The following TRIM24 variants were observed in gnomAD, a reference collection of about 807,000 sequenced individuals.
TRIM24 encodes the protein tripartite motif containing 24, also known as transcription intermediary factor 1-alpha.
A neutral mutation model predicts 123.9 loss-of-function variants in TRIM24; 29 were observed. The observed-to-expected ratio is 0.23, with a 90% CI of 0.17 to 0.32. The LOEUF is 0.32. TRIM24 is among the 10% of genes least tolerant of loss of function. TRIM24 has a pLI of 1.00. For synonymous variants in TRIM24, 456 were observed against 461.1 expected, an observed-to-expected ratio of 0.99 and a Z score of 0.14; for missense variants, 932 against 1,295.3, an observed-to-expected ratio of 0.72 and a Z score of 4.31.
At chr7:138,568,683 G>A (rs957845434) in intron 10 of TRIM24, among the ~76,000 whole-genome samples, 10 of 151,876 alleles carry the variant, frequency 6.6e-5, no homozygotes, top group African/African-American at 1.2e-4. Flanking sequence ...CACCATACCC[G>A]GCTGTATTAT....
At chr7:138,583,254 G>T (rs546553529) in intron 17 of TRIM24, among the ~76,000 whole-genome samples, 1 of 152,242 alleles carries the variant, frequency 6.6e-6, no homozygotes, top group East Asian at 1.9e-4. Flanking sequence ...CCTAGTAATT[G>T]CTTTTTGTTT....
At chr7:138,463,708 TAC>T (rs1255969972) in intron 1 of TRIM24, among the ~76,000 whole-genome samples, 1 of 152,216 alleles carries the variant, frequency 6.6e-6, no homozygotes, top group Admixed American at 6.5e-5. Flanking sequence ...TGTGATTCCA[TAC>T]TTCTCAAAAT....
rs763047514 is a variant in TRIM24 at position 138,579,397 on chromosome 7, A to G, written c.2450A>G (p.Glu817Gly). 1.9e-6 allele frequency: 3 copies of G among 1,614,114 alleles called. No individual in the cohort carries two copies. The highest frequency in any genetic ancestry group is 1.7e-5 in the Admixed American group (1 of 60,012). The change falls in exon 15 of 19, where the codon GAG becomes GGG. Residue 817 changes from glutamate (E) to glycine (G), a missense_variant. Glu to Gly is a moderately conservative substitution (Grantham distance 98). Coordinates refer to ENST00000343526, the MANE Select transcript of TRIM24 (RefSeq NM_015905.3). The stretch of plus-strand genomic sequence containing the variant: ...CAGAAGTCACCTCTTCATGTTGGAG[A>G]GACAAGGAAAGAGGATGACCCCAAT... ...PSQKSPLHVG[E>G]TRKEDDPNED...
chr7:138,499,636 C>T (rs1249999169), intron 1 of TRIM24, among the ~76,000 whole-genome samples: 3 of 152,124 alleles, frequency 2.0e-5, no homozygotes, highest in Non-Finnish European at 2.9e-5. Context: ...GGAACAGAAA[C>T]GGAGGCTCTT....
chr7:138,584,938 A>C lies in TRIM24; in HGVS notation c.3140A>C (p.Gln1047Pro), dbSNP rs768966084. The C allele has an allele frequency of 1.2e-6, 2 of 1,608,902 alleles. No individual in the cohort carries two copies. The highest frequency in any genetic ancestry group is 3.4e-5 in the Admixed American group (2 of 59,036). ...CGCCTCAAAAGCATTGAAGAACGCCAGTTGCTTAAATAATATGCAGCACCA... is the reference window on the plus strand; with the variant it reads ...CGCCTCAAAAGCATTGAAGAACGCCCGTTGCTTAAATAATATGCAGCACCA... Reference protein sequence around the residue: ...KKRLKSIEERQLLK With the variant: ...KKRLKSIEERPLLK The change falls in exon 19 of 19, where the codon CAG (glutamine) becomes CCG (proline). Residue 1047 changes from glutamine to proline, a missense_variant. By Grantham distance (76) the Gln-to-Pro change is moderately conservative (BLOSUM62 -1). Transcript: ENST00000343526.
intron 7 of TRIM24, among the ~76,000 whole-genome samples, chr7:138,550,679 C>T (rs547274382): frequency 3.3e-5 from 5 of 152,206 alleles, no homozygotes; most frequent in East Asian, 3.9e-4. Context: ...CCTAAACAGA[C>T]GAATTTGTAT....
Position 138,515,257 on chromosome 7 carries a change from G to T in TRIM24, c.529G>T (p.Val177Leu). 1 of 1,614,030 alleles carries T rather than the reference G, an allele frequency of 6.2e-7. No homozygotes were observed. Among genetic ancestry groups the T allele is most frequent in the South Asian group, 1.1e-5 (1 of 91,056 alleles). The change falls in exon 3 of 19, where the codon GTA becomes TTA. Residue 177 changes from valine to leucine, a missense_variant. Val to Leu is a conservative substitution (Grantham distance 32, BLOSUM62 1). Transcript: ENST00000343526. ...EDNAEANGFC[V>L]ECVEWLCKTC... ...CAACGCAGAAGCCAATGGGTTTTGT[G>T]TAGAGTGTGTTGAATGGCTCTGCAA... is the stretch of plus-strand genomic sequence containing the variant.
intron 2 of TRIM24, among the ~76,000 whole-genome samples, chr7:138,507,159 G>T (rs1796167485): frequency 6.6e-6 from 1 of 152,036 alleles, no homozygotes; most frequent in Non-Finnish European, 1.5e-5. Flanking sequence ...CATAGCTGGA[G>T]ATTTTGAAAA....
In TRIM24 at chr7:138,568,379, C is replaced by CTTTTTTTTTTTTTTT. The variant is rs60386130; in HGVS notation, c.1704+741_1704+755dup. Among the ~76,000 whole-genome samples, 200 of 68,698 alleles carry CTTTTTTTTTTTTTTT rather than the reference C, an allele frequency of 2.9e-3. 13 individuals are homozygous for CTTTTTTTTTTTTTTT. The highest frequency in any genetic ancestry group is 4.0e-3 in the Non-Finnish European group (160 of 39,854). The allele number at this position is 68,698 out of a possible 152,430, so 45.1% of individuals were successfully genotyped here. On this transcript the variant is annotated intron_variant, in intron 10 of 18. Coordinates refer to ENST00000343526, the MANE Select transcript of TRIM24 (RefSeq NM_015905.3). ...CTCGTAAGCCACCGTACCTGGCCTCCTTTTTTTTTTTTTTTTTTTTTTTTT... is the reference window on the plus strand; with the variant it reads ...CTCGTAAGCCACCGTACCTGGCCTCCTTTTTTTTTTTTTTTTTTTTTTTTTTTTTTTTTTTTTTTT...
Position 138,584,879 on chromosome 7 carries a change from T to C in TRIM24, c.3081T>C (p.Asp1027=). 3.1e-6 allele frequency: 5 copies of C among 1,613,846 alleles called. No individual in the cohort carries two copies. The highest frequency in any genetic ancestry group is 3.4e-6 in the Non-Finnish European group (4 of 1,179,868). ...NESEDNKFSD[D]SDDDFVQPRK... is the part of the protein sequence containing the mutation. ...CAGAAGATAATAAATTTAGTGATGA[T>C]TCAGATGATGACTTTGTACAGCCCC... The change falls in exon 19 of 19, where the codon GAT becomes GAC. Residue 1027 remains aspartate, a synonymous_variant. Coordinates refer to ENST00000343526, the MANE Select transcript of TRIM24 (RefSeq NM_015905.3).
At chr7:138,533,655 G>A (rs1174311869) in intron 6 of TRIM24, among the ~76,000 whole-genome samples, 8 of 152,174 alleles carry the variant, frequency 5.3e-5, no homozygotes, top group African/African-American at 1.9e-4. Context: ...ATGTTCATCA[G>A]GGATATTGGT....
chr7:138,578,303 A>C (rs1797809148), intron 14 of TRIM24, among the ~76,000 whole-genome samples: 1 of 152,200 alleles, frequency 6.6e-6, no homozygotes. Context: ...GTAAACAAAC[A>C]CCTGAGTACG....
intron 7 of TRIM24, among the ~76,000 whole-genome samples, chr7:138,548,477 C>G (rs927563011): frequency 2.0e-5 from 3 of 151,378 alleles, no homozygotes; most frequent in African/African-American, 7.3e-5. Flanking sequence ...ATGGAGCTTG[C>G]AGGACTGGAA....
At chr7:138,479,303 C>T (rs559681676) in intron 1 of TRIM24, among the ~76,000 whole-genome samples, 2 of 152,274 alleles carry the variant, frequency 1.3e-5, no homozygotes, top group South Asian at 4.1e-4. Context: ...CCAAAAGTTC[C>T]TTGTCTGCTA....
intron 17 of TRIM24, among the ~76,000 whole-genome samples, chr7:138,583,322 C>T (rs1045582841): frequency 1.3e-5 from 2 of 152,140 alleles, no homozygotes; most frequent in Non-Finnish European, 2.9e-5. Context: ...CAAGTTTTTT[C>T]ATTAAAAATA....
At chr7:138,556,135 T>C (rs1797311665) in intron 9 of TRIM24, 1 of 152,198 alleles carries the variant, frequency 6.6e-6, no homozygotes, top group Non-Finnish European at 1.5e-5. Flanking sequence ...ATTTCTATGA[T>C]ATAAAACCCT....
At chr7:138,539,799 ATCT>A (rs1160077536) in intron 7 of TRIM24, among the ~76,000 whole-genome samples, 37 of 136,328 alleles carry the variant, frequency 2.7e-4, no homozygotes, top group Admixed American at 2.4e-3. Context: ...CAATTAAGTA[ATCT>A]TTTTTTTTTT....
At chr7:138,460,975 T>A in intron 1 of TRIM24, 63 bp downstream of exon 1, 1 of 1,329,784 alleles carries the variant, frequency 7.5e-7, no homozygotes, top group Non-Finnish European at 9.6e-7. Flanking sequence ...CGGGCGCCCT[T>A]GTGCGGCGCG....
Position 138,577,548 on chromosome 7 carries a change from T to C in TRIM24, c.2216T>C (p.Ile739Thr), listed in dbSNP as rs756935858. The C allele has an allele frequency of 9.3e-6, 15 of 1,610,218 alleles. No homozygotes were observed. Among genetic ancestry groups the C allele is most frequent in the South Asian group, 3.3e-5 (3 of 90,468 alleles). ...GAAAATTATGATTTCCCTGTTGTTA[T>C]AGTGAAGCAAGAATCAGATGAAGAA... is the stretch of plus-strand genomic sequence containing the variant. ...PPENYDFPVV[I>T]VKQESDEESR... Residue 739 changes from isoleucine to threonine, a missense_variant, in exon 14 of 19, where the codon ATA (isoleucine) becomes ACA (threonine). Coordinates refer to ENST00000343526, the MANE Select transcript of TRIM24 (RefSeq NM_015905.3).
Sources: allele counts gnomAD v4.1 joint callset (sites outside exome capture counted in the v4.1 genomes callset), GRCh38; gene constraint gnomAD v4.1.1; transcripts MANE v1.5; gene names NCBI Gene and HGNC (gene_info 2026-07-23, HGNC 2026-07-21).